Variants in USP8 observed in about 807,000 individuals in gnomAD.
USP8 encodes the protein ubiquitin carboxyl-terminal hydrolase 8.
USP8 carries 27 observed loss-of-function variants against 130.0 expected under a neutral mutation model. The observed-to-expected ratio is 0.21, with a 90% CI of 0.15 to 0.29. USP8 has a LOEUF of 0.29. Among genes scored for constraint, USP8 ranks in the 10% least tolerant of loss-of-function variants. USP8 has a pLI of 1.00. For missense variants in USP8, 1,029 were observed against 1,312.2 expected, an observed-to-expected ratio of 0.78 and a Z score of 3.33; for synonymous variants, 392 against 444.1, an observed-to-expected ratio of 0.88 and a Z score of 1.48.
chr15:50,482,092 A>T, intron 11 of USP8, 27 bp downstream of exon 11: 1 of 1,458,214 alleles, frequency 6.9e-7, no homozygotes, highest in Non-Finnish European at 9.0e-7. Context: ...CAAATTGCCA[A>T]CGAAGTGAAA....
At chr15:50,487,399 T>C (rs901770392) in intron 12 of USP8, among the ~76,000 whole-genome samples, 1 of 152,002 alleles carries the variant, frequency 6.6e-6, no homozygotes, top group Non-Finnish European at 1.5e-5. Flanking sequence ...ACACATGCCT[T>C]CTCTTCTTCT....
intron 12 of USP8, among the ~76,000 whole-genome samples, chr15:50,488,132 T>A (rs2052027316): frequency 6.6e-6 from 1 of 152,218 alleles, no homozygotes; most frequent in South Asian, 2.1e-4. Context: ...TCTGTCATAT[T>A]TTTCACATGT....
chr15:50,460,121 C>T (rs998275185), intron 5 of USP8, among the ~76,000 whole-genome samples: 1 of 150,462 alleles, frequency 6.6e-6, no homozygotes, highest in African/African-American at 2.4e-5. Context: ...CCTCAGCTTC[C>T]CAAGTAGCTG....
At chr15:50,433,833 C>T (rs1171390733) in intron 1 of USP8, among the ~76,000 whole-genome samples, 1 of 152,126 alleles carries the variant, frequency 6.6e-6, no homozygotes, top group African/African-American at 2.4e-5. Context: ...TCTTGATCTC[C>T]TGACCTCGTG....
chr15:50,484,380 GA>G lies in USP8; in HGVS notation c.1890+25del. ...AAATAAAGTAAGTAGTTTATTGCAG[GA>G]AAAAACTGGAAAAAAAAGCCAAACA... On this transcript the variant is annotated intron_variant, in intron 12 of 19. Coordinates refer to ENST00000307179, the MANE Select transcript of USP8 (RefSeq NM_005154.5). The G allele has an allele frequency of 1.3e-6, 2 of 1,582,934 alleles. No individual in the cohort carries two copies. Among genetic ancestry groups the G allele is most frequent in the Non-Finnish European group, 1.7e-6 (2 of 1,159,090 alleles).
chr15:50,495,109 C>A (rs1046572102), intron 16 of USP8, among the ~76,000 whole-genome samples: 1 of 151,694 alleles, frequency 6.6e-6, no homozygotes, highest in Non-Finnish European at 1.5e-5. Flanking sequence ...AAATGACCAC[C>A]CTCCATTTAC....
intron 1 of USP8, 82 bp downstream of exon 1, chr15:50,424,596 C>G (rs1262530559): frequency 2.5e-6 from 1 of 397,930 alleles, no homozygotes; most frequent in Non-Finnish European, 4.4e-6. Flanking sequence ...CTTCCACCAG[C>G]TGCTGGTTAC....
At chr15:50,461,847 G>A (rs1018147827) in intron 5 of USP8, among the ~76,000 whole-genome samples, 5 of 130,972 alleles carry the variant, frequency 3.8e-5, no homozygotes, top group African/African-American at 9.2e-5. Flanking sequence ...GCAAGACTCC[G>A]TCTCAAAAAA....
Position 50,500,579 on chromosome 15 carries a change from A to G in USP8, c.*1491A>G. 1.8e-6 allele frequency: 1 copy of G among 543,268 alleles called. No homozygotes were observed. Among genetic ancestry groups the G allele is most frequent in the Non-Finnish European group, 3.3e-6 (1 of 301,950 alleles). 33.7% of individuals were successfully genotyped at this position (543,268 alleles called of 1,614,324 possible). On this transcript the variant is annotated 3_prime_UTR_variant, in exon 20 of 20. Coordinates refer to ENST00000307179, the MANE Select transcript of USP8 (RefSeq NM_005154.5). Reference sequence around the variant, plus strand: ...GATGCAAGTAAGTTCTAAGAGTTTAATGACCAAGCAAAACTCTACCACCAG... The same window carrying G: ...GATGCAAGTAAGTTCTAAGAGTTTAGTGACCAAGCAAAACTCTACCACCAG...
In USP8 at chr15:50,439,106, C is replaced by T; in HGVS notation, c.33C>T (p.Leu11=). The T allele has an allele frequency of 1.2e-6, 2 of 1,601,776 alleles. No homozygotes were observed. The highest frequency in any genetic ancestry group is 1.7e-6 in the Non-Finnish European group (2 of 1,176,548). Residue 11 remains leucine (L), a synonymous_variant, in exon 2 of 20, where the codon CTC becomes CTT. Coordinates refer to ENST00000307179, the MANE Select transcript of USP8 (RefSeq NM_005154.5). The part of the protein sequence containing the change: MPAVASVPKE[L]YLSSSLKDLN... ...CTGTGGCTTCAGTTCCTAAAGAACT[C>T]TACCTCAGTTCTTCACTAAAAGACC...
Position 50,512,313 on chromosome 15 carries a change from G to C in USP8, c.*13225G>C, listed in dbSNP as rs1334126210. On this transcript the variant is annotated 3_prime_UTR_variant, in exon 20 of 20. Transcript: ENST00000307179. ...ACTGCACTCCAGCCTGGGCAACAGA[G>C]CAAGACTCTGTTAAAAAAAAAAAAA... is the stretch of plus-strand genomic sequence containing the variant. 6.6e-6 allele frequency: 1 copy of C among 151,064 alleles called. No homozygotes were observed. The highest frequency in any genetic ancestry group is 1.5e-5 in the Non-Finnish European group (1 of 68,038). 9.4% of individuals were successfully genotyped at this position (151,064 alleles called of 1,614,324 possible). A position where few individuals can be genotyped will look rare whatever the true frequency, so the allele number is the denominator to read the frequency against.
chr15:50,460,164 A>T (rs1370889248), intron 5 of USP8, among the ~76,000 whole-genome samples: 1 of 150,204 alleles, frequency 6.7e-6, no homozygotes, highest in African/African-American at 2.5e-5. Flanking sequence ...CACCCGGCTA[A>T]TTTTTGTATT....
At chr15:50,494,997 C>T (rs997363641) in intron 16 of USP8, among the ~76,000 whole-genome samples, 11 of 143,858 alleles carry the variant, frequency 7.6e-5, no homozygotes, top group South Asian at 2.2e-4. Context: ...CCAGCCTGGG[C>T]GACAGAGTGA....
In USP8 at chr15:50,511,852, T is replaced by C. The variant is rs1325544012; in HGVS notation, c.*12764T>C. On this transcript the variant is annotated 3_prime_UTR_variant, in exon 20 of 20. Transcript: ENST00000307179. ...TCTCAACCAAAATACACAAAAATTA[T>C]TGGGGCATGGTGGTGCACACCTGTG... The C allele has an allele frequency of 2.0e-5, 3 of 151,720 alleles. No individual in the cohort carries two copies. Among genetic ancestry groups the C allele is most frequent in the South Asian group, 2.1e-4 (1 of 4,790 alleles). The allele number at this position is 151,720 out of a possible 1,614,324, so 9.4% of individuals were successfully genotyped here. A position where few individuals can be genotyped will look rare whatever the true frequency, so the allele number is the denominator to read the frequency against.
intron 8 of USP8, among the ~76,000 whole-genome samples, chr15:50,476,506 G>C (rs2051572128): frequency 6.6e-6 from 1 of 152,200 alleles, no homozygotes. Flanking sequence ...GATGTTCATA[G>C]AAAAGCAACA....
At position 50,449,502 on chromosome 15, in the gene USP8, A is replaced by T. The variant is rs773224619; in HGVS notation, c.335+17A>T. 5 of 1,414,452 alleles carry T rather than the reference A, an allele frequency of 3.5e-6. No homozygotes were observed. Among genetic ancestry groups the T allele is most frequent in the Non-Finnish European group, 4.8e-6 (5 of 1,047,544 alleles). 87.6% of individuals were successfully genotyped at this position (1,414,452 alleles called of 1,614,324 possible). A position where few individuals can be genotyped will look rare whatever the true frequency, so the allele number is the denominator to read the frequency against. On this transcript the variant is annotated intron_variant, in intron 4 of 19. Coordinates refer to ENST00000307179, the MANE Select transcript of USP8 (RefSeq NM_005154.5). Reference sequence around the variant, plus strand: ...TAAATTAAGGTACAGATATTATGAAATATTTAAAATAATGTAAATTTAGAA... The same window carrying T: ...TAAATTAAGGTACAGATATTATGAATTATTTAAAATAATGTAAATTTAGAA...
At chr15:50,493,144 A>ACT in intron 15 of USP8, 1 of 610,636 alleles carries the variant, frequency 1.6e-6, no homozygotes, top group Non-Finnish European at 3.0e-6. Flanking sequence ...GGTGGAAGCG[A>ACT]AAGAGGACAG....
At chr15:50,460,616 T>G (rs1329569141) in intron 5 of USP8, among the ~76,000 whole-genome samples, 1 of 151,852 alleles carries the variant, frequency 6.6e-6, no homozygotes, top group East Asian at 1.9e-4. Context: ...GCTTCTCCCA[T>G]TTTTTCACAT....
chr15:50,480,446 T>C (rs1047909707), intron 10 of USP8, among the ~76,000 whole-genome samples: 1 of 152,192 alleles, frequency 6.6e-6, no homozygotes, highest in African/African-American at 2.4e-5. Context: ...ATTATAGTTA[T>C]TTGATCAGAA....
Sources: gnomAD v4.1 joint callset for allele counts (sites outside exome capture counted in the v4.1 genomes callset) on GRCh38, gnomAD v4.1.1 for gene constraint, MANE v1.5 for transcripts, NCBI Gene and HGNC (gene_info 2026-07-23, HGNC 2026-07-21) for gene names.